The following ITGA1 variants were observed in gnomAD, a reference collection of about 807,000 sequenced individuals.
ITGA1 encodes integrin alpha-1.
ITGA1 carries 85 observed loss-of-function variants against 145.9 expected under a neutral mutation model. That is an observed-to-expected ratio of 0.58 (90% CI 0.49 to 0.70). The LOEUF (loss-of-function observed/expected upper bound fraction) is 0.70. Among genes scored for constraint, ITGA1 ranks in the 30% least tolerant of loss-of-function variants. ITGA1 has a pLI of 0.00. For missense variants in ITGA1, 1,351 were observed against 1,418.7 expected, an observed-to-expected ratio of 0.95 and a Z score of 0.77; for synonymous variants, 520 against 495.3, an observed-to-expected ratio of 1.05 and a Z score of -0.66.
intron 6 of ITGA1, among the ~76,000 whole-genome samples, chr5:52,871,954 C>T (rs1157433268): frequency 1.3e-5 from 2 of 152,076 alleles, no homozygotes; most frequent in Non-Finnish European, 1.5e-5. Context: ...TCCTCAATAC[C>T]TAAACATAAC....
Position 52,800,270 on chromosome 5 carries a change from A to G in ITGA1, c.61+11856A>G. The G allele has an allele frequency of 5.3e-6, 5 of 947,994 alleles. No individual in the cohort carries two copies. In the South Asian group the frequency reaches 7.8e-5, roughly 15 times the overall value. 58.7% of individuals were successfully genotyped at this position (947,994 alleles called of 1,614,324 possible). ...GAAGCAAGCGTGTTTCCTTCCCGCC[A>G]GGCAAGTGCCCTTAGAAACCGGGCC... On this transcript the variant is annotated intron_variant, in intron 1 of 28. Transcript: ENST00000282588.
At position 52,954,333 on chromosome 5, in the gene ITGA1, A is replaced by G. The variant is rs952666573; in HGVS notation, c.*1882A>G. The stretch of plus-strand genomic sequence containing the variant: ...GATCTCAGCAAGATCTTAGTAGTAA[A>G]GCTAACGGATCCATTGAAATTCATA... On this transcript the variant is annotated 3_prime_UTR_variant, in exon 29 of 29. Transcript: ENST00000282588. 1 of 152,198 alleles carries G rather than the reference A, an allele frequency of 6.6e-6. No homozygotes were observed. Among genetic ancestry groups the G allele is most frequent in the East Asian group, 1.9e-4 (1 of 5,192 alleles). 9.4% of individuals were successfully genotyped at this position (152,198 alleles called of 1,614,324 possible).
intron 3 of ITGA1, among the ~76,000 whole-genome samples, chr5:52,864,484 A>G (rs1405227950): frequency 1.3e-5 from 2 of 152,186 alleles, no homozygotes; most frequent in Non-Finnish European, 2.9e-5. Flanking sequence ...ATTAGCAAGA[A>G]CGTGCAAAAA....
In ITGA1 at chr5:52,952,546, G is replaced by A; in HGVS notation, c.*95G>A. ...CAAGAAATGTATAATTCATGACATAGTCATGTAACTATGTAATCCATCAGG... is the reference window on the plus strand; with the variant it reads ...CAAGAAATGTATAATTCATGACATAATCATGTAACTATGTAATCCATCAGG... On this transcript the variant is annotated 3_prime_UTR_variant, in exon 29 of 29. Transcript: ENST00000282588. 3.8e-6 allele frequency: 2 copies of A among 522,240 alleles called. No individual in the cohort carries two copies. The highest frequency in any genetic ancestry group is 6.7e-6 in the Non-Finnish European group (2 of 298,386). 32.4% of individuals were successfully genotyped at this position (522,240 alleles called of 1,614,324 possible). A position where few individuals can be genotyped will look rare whatever the true frequency, so the allele number is the denominator to read the frequency against.
chr5:52,846,785 A>C (rs1749345235), intron 1 of ITGA1, among the ~76,000 whole-genome samples: 1 of 152,174 alleles, frequency 6.6e-6, no homozygotes, highest in Admixed American at 6.6e-5. Flanking sequence ...TAATACTTGC[A>C]GAGACCCTCC....
chr5:52,788,058 TC>T lies in ITGA1; in HGVS notation c.-294del, dbSNP rs1748156731. 2.7e-6 allele frequency: 1 copy of T among 366,928 alleles called. No homozygotes were observed. The highest frequency in any genetic ancestry group is 4.8e-5 in the Admixed American group (1 of 20,978). 22.7% of individuals were successfully genotyped at this position (366,928 alleles called of 1,614,324 possible). On this transcript the variant is annotated 5_prime_UTR_variant, in exon 1 of 29. Transcript: ENST00000282588. Reference sequence around the variant, plus strand: ...GGACCCGCGAAGCTGGCTTTATTTGTCCATGTCTCGGACAGAGCCTGGGAAG... The same window carrying T: ...GGACCCGCGAAGCTGGCTTTATTTGTCATGTCTCGGACAGAGCCTGGGAAG...
In ITGA1 at chr5:52,954,142, T is replaced by G. The variant is rs1047178716; in HGVS notation, c.*1691T>G. On this transcript the variant is annotated 3_prime_UTR_variant, in exon 29 of 29. Coordinates refer to ENST00000282588, the MANE Select transcript of ITGA1 (RefSeq NM_181501.2). ...TGTCCTCTTGCTGGCCTGTCATTATTTGGAAATACGCGCTTTTGGAATTTC... is the reference window on the plus strand; with the variant it reads ...TGTCCTCTTGCTGGCCTGTCATTATGTGGAAATACGCGCTTTTGGAATTTC... 1.3e-5 allele frequency: 2 copies of G among 152,192 alleles called. No homozygotes were observed. Among genetic ancestry groups the G allele is most frequent in the Non-Finnish European group, 2.9e-5 (2 of 68,026 alleles). 9.4% of individuals were successfully genotyped at this position (152,192 alleles called of 1,614,324 possible). A position where few individuals can be genotyped will look rare whatever the true frequency, so the allele number is the denominator to read the frequency against.
intron 9 of ITGA1, among the ~76,000 whole-genome samples, chr5:52,895,582 A>G (rs1046822931): frequency 6.6e-6 from 1 of 152,196 alleles, no homozygotes; most frequent in African/African-American, 2.4e-5. Flanking sequence ...TCATTTCTAA[A>G]TCTCCTTTTA....
Position 52,813,163 on chromosome 5 carries a change from G to C in ITGA1, c.61+24749G>C, listed in dbSNP as rs1309755741. On this transcript the variant is annotated intron_variant, in intron 1 of 28. Coordinates refer to ENST00000282588, the MANE Select transcript of ITGA1 (RefSeq NM_181501.2). ...TCAAGGATACCACTGAGTGCACACA[G>C]AATGCTGGGAGGTCCTGACTCTGCT... 2.0e-5 allele frequency among the ~76,000 whole-genome samples: 3 copies of C among 152,138 alleles called. No homozygotes were observed. In the East Asian group the frequency reaches 5.8e-4, roughly 29 times the overall value.
At chr5:52,813,079 AGAG>A (rs1457892046) in intron 1 of ITGA1, among the ~76,000 whole-genome samples, 5 of 152,146 alleles carry the variant, frequency 3.3e-5, no homozygotes, top group Non-Finnish European at 5.9e-5. Context: ...ACACAAATGA[AGAG>A]GAGTACAGAA....
At position 52,796,810 on chromosome 5, in the gene ITGA1, A is replaced by C. The variant is rs186054055; in HGVS notation, c.61+8396A>C. 2.3e-3 allele frequency among the ~76,000 whole-genome samples: 350 copies of C among 152,232 alleles called. 4 individuals are homozygous for C. Among genetic ancestry groups the C allele is most frequent in the Non-Finnish European group, 1.0e-3 (69 of 67,940 alleles). ...TAAATTAACATGGATTCAAGTTTAC[A>C]TGGTTTCAAGTTTGAGATAACATTT... On this transcript the variant is annotated intron_variant, in intron 1 of 28. Coordinates refer to ENST00000282588, the MANE Select transcript of ITGA1 (RefSeq NM_181501.2).
At chr5:52,826,080 C>G (rs1454872611) in intron 1 of ITGA1, among the ~76,000 whole-genome samples, 1 of 152,170 alleles carries the variant, frequency 6.6e-6, no homozygotes, top group African/African-American at 2.4e-5. Flanking sequence ...TAGGCCAAAG[C>G]TAGGCCTCTT....
At chr5:52,800,818 A>G in intron 1 of ITGA1, 1 of 1,611,126 alleles carries the variant, frequency 6.2e-7, no homozygotes, top group Non-Finnish European at 8.5e-7. Context: ...GGCTGTGGTC[A>G]TGCAGGAAGG....
intron 14 of ITGA1, among the ~76,000 whole-genome samples, chr5:52,912,913 A>AT (rs1245196750): frequency 6.6e-6 from 1 of 151,634 alleles, no homozygotes; most frequent in African/African-American, 2.4e-5. Flanking sequence ...CGCCCGGCTA[A>AT]TTTTTTGCAT....
chr5:52,874,683 AGT>A (rs1749838097), intron 6 of ITGA1, among the ~76,000 whole-genome samples: 1 of 152,194 alleles, frequency 6.6e-6, no homozygotes, highest in African/African-American at 2.4e-5. Context: ...ATATTTATAA[AGT>A]GTCTGGACGA....
At chr5:52,788,438 G>T in intron 1 of ITGA1, 24 bp downstream of exon 1, 1 of 1,491,786 alleles carries the variant, frequency 6.7e-7, no homozygotes, top group South Asian at 1.3e-5. Flanking sequence ...TTTTCTCTGA[G>T]CATCTCCTGC....
At chr5:52,886,039 A>C (rs1247131428) in intron 7 of ITGA1, among the ~76,000 whole-genome samples, 1 of 152,198 alleles carries the variant, frequency 6.6e-6, no homozygotes, top group Non-Finnish European at 1.5e-5. Context: ...ATGTGATCAG[A>C]TACCAAGGAT....
intron 1 of ITGA1, among the ~76,000 whole-genome samples, chr5:52,793,110 AC>A (rs1395782681): frequency 6.6e-6 from 1 of 152,004 alleles, no homozygotes. Flanking sequence ...ATTGGACCCT[AC>A]CTTAGGACAT....
chr5:52,809,854 C>T (rs763528183), intron 1 of ITGA1, among the ~76,000 whole-genome samples: 1 of 152,104 alleles, frequency 6.6e-6, no homozygotes. Flanking sequence ...TCTGTAATCC[C>T]TGATCTCTCT....
Sources: gnomAD v4.1 joint callset for allele counts (sites outside exome capture counted in the v4.1 genomes callset) on GRCh38, gnomAD v4.1.1 for gene constraint, MANE v1.5 for transcripts, NCBI Gene and HGNC (gene_info 2026-07-23, HGNC 2026-07-21) for gene names.